CDK5RAP3: variants seen among roughly 807,000 people sequenced by gnomAD.
CDK5RAP3 encodes CDK5 regulatory subunit associated protein 3.
Under a neutral mutation model 73.3 loss-of-function variants are expected in CDK5RAP3, and 58 were observed. That is an observed-to-expected ratio of 0.79 (90% confidence interval 0.64 to 0.98). The LOEUF is 0.98. CDK5RAP3 is among the 50% of genes least tolerant of loss of function. The pLI, the probability that CDK5RAP3 is intolerant of heterozygous loss-of-function variation, is 0.00. For missense variants in CDK5RAP3, 525 were observed against 615.8 expected, an observed-to-expected ratio of 0.85 and a Z score of 1.56; for synonymous variants, 224 against 247.5, an observed-to-expected ratio of 0.91 and a Z score of 0.89.
chr17:47,971,524 G>T, intron 2 of CDK5RAP3, 117 bp downstream of exon 2: 2 of 1,004,980 alleles, frequency 2.0e-6, no homozygotes, highest in Non-Finnish European at 2.9e-6. Context: ...GCTGACCACT[G>T]GCCTCGTTCT....
Position 47,975,502 on chromosome 17 carries a change from TC to T in CDK5RAP3, c.514-8del. 1 of 1,610,300 alleles carries T rather than the reference TC, an allele frequency of 6.2e-7. No homozygotes were observed. Among genetic ancestry groups the T allele is most frequent in the Non-Finnish European group, 8.5e-7 (1 of 1,180,004 alleles). ...TCAATCTGTTGGACTCCACCTCTTC[TC>T]CCCTCTCTAGGGCGAAAATGTCCGA... On this transcript the variant is annotated splice_polypyrimidine_tract_variant and intron_variant, in intron 6 of 13. Transcript: ENST00000338399.
chr17:47,979,284 G>A (rs1161399350), intron 11 of CDK5RAP3: 2 of 192,768 alleles, frequency 1.0e-5, no homozygotes, highest in Non-Finnish European at 2.1e-5. Flanking sequence ...GGAGGATGAC[G>A]AGGATGTTGG....
chr17:47,971,444 G>A (rs762066003), intron 2 of CDK5RAP3, 37 bp downstream of exon 2: 3 of 1,565,048 alleles, frequency 1.9e-6, no homozygotes, highest in South Asian at 1.2e-5. Context: ...GGCTGTCGGG[G>A]GGAGGCCTGT....
At chr17:47,969,694 C>G (rs996551836), upstream of CDK5RAP3, among the ~76,000 whole-genome samples, 1 of 152,122 alleles carries the variant, frequency 6.6e-6, no homozygotes, top group African/African-American at 2.4e-5. Context: ...TTAGCTTCAG[C>G]CACCACTCGG....
At chr17:47,971,646 C>A (rs1470648327) in intron 2 of CDK5RAP3, among the ~76,000 whole-genome samples, 1 of 152,158 alleles carries the variant, frequency 6.6e-6, no homozygotes, top group African/African-American at 2.4e-5. Context: ...TCGTATCATT[C>A]AGGGACAGGA....
At chr17:47,977,796 TCC>T (rs1325058260) in intron 9 of CDK5RAP3, 34 bp from the exon 10 acceptor site, 2 of 1,574,370 alleles carry the variant, frequency 1.3e-6, no homozygotes, top group Non-Finnish European at 1.7e-6. Flanking sequence ...AGGAAAATTC[TCC>T]CCCCATTGCT....
chr17:47,969,604 T>C (rs998678599), upstream of CDK5RAP3, among the ~76,000 whole-genome samples: 1 of 147,558 alleles, frequency 6.8e-6, no homozygotes, highest in African/African-American at 2.6e-5. Flanking sequence ...TACCCAGCGC[T>C]GTGAGATCCT....
chr17:47,971,537 GC>G, intron 2 of CDK5RAP3, 130 bp downstream of exon 2: 2 of 891,176 alleles, frequency 2.2e-6, no homozygotes, highest in Non-Finnish European at 3.3e-6. Context: ...CTCGTTCTAT[GC>G]CCCATCTGTG....
upstream of CDK5RAP3, among the ~76,000 whole-genome samples, chr17:47,969,580 A>AAAAAAAAAAAAAAAAAG (rs1567720961): frequency 1.6e-4 from 21 of 131,366 alleles, 1 homozygote; most frequent in African/African-American, 5.6e-4. Flanking sequence ...AAAAAAAAAA[A>AAAAAAAAAAAAAAAAAG]AAAAGAAAAG....
chr17:47,970,991 A>G, upstream of CDK5RAP3: 1 of 1,485,374 alleles, frequency 6.7e-7, no homozygotes, highest in Non-Finnish European at 9.0e-7. Flanking sequence ...TTGAGGCCTG[A>G]GTGGAGCGTA....
Position 47,975,148 on chromosome 17 carries a change from G to GCTGAATTTC in CDK5RAP3, c.335-10_335-9insTGAATTTCC. On this transcript the variant is annotated splice_polypyrimidine_tract_variant and intron_variant, in intron 5 of 13. Transcript: ENST00000338399. ...GGGTGTCCTGGGCTGAATTTCCTGG[G>GCTGAATTTC]CACTTCTCAGTGGAACTCTCTAGCC... 1 of 1,614,038 alleles carries GCTGAATTTC rather than the reference G, an allele frequency of 6.2e-7. No homozygotes were observed. The highest frequency in any genetic ancestry group is 1.6e-4 in the Middle Eastern group (1 of 6,062).
chr17:47,973,513 A>C lies in CDK5RAP3; in HGVS notation c.53-6A>C, dbSNP rs1190864750. 3 of 1,613,384 alleles carry C rather than the reference A, an allele frequency of 1.9e-6. No homozygotes were observed. The highest frequency in any genetic ancestry group is 2.5e-6 in the Non-Finnish European group (3 of 1,179,562). ...GAATGCTCTAATTTGGGTGCTTCTCATGTAGATTGGCTGGTGGACAGAAGG... is the reference window on the plus strand; with the variant it reads ...GAATGCTCTAATTTGGGTGCTTCTCCTGTAGATTGGCTGGTGGACAGAAGG... On this transcript the variant is annotated splice_polypyrimidine_tract_variant and splice_region_variant and intron_variant, in intron 2 of 13. Coordinates refer to ENST00000338399, the MANE Select transcript of CDK5RAP3 (RefSeq NM_176096.3).
intron 12 of CDK5RAP3, 95 bp downstream of exon 12, chr17:47,980,893 C>A: frequency 1.5e-6 from 2 of 1,317,752 alleles, no homozygotes; most frequent in East Asian, 2.3e-5. Context: ...AACCCCATCC[C>A]TGCCTCCTGG....
chr17:47,977,725 A>G (rs780976915), intron 9 of CDK5RAP3, 107 bp from the exon 10 acceptor site: 7 of 868,664 alleles, frequency 8.1e-6, no homozygotes, highest in African/African-American at 1.7e-5. Flanking sequence ...TCCTTAATAG[A>G]GTTGGAATGT....
intron 13 of CDK5RAP3, 23 bp from the exon 14 acceptor site, chr17:47,981,414 C>T: frequency 6.2e-7 from 1 of 1,614,224 alleles, no homozygotes; most frequent in East Asian, 2.2e-5. Flanking sequence ...CCTGCTTCTG[C>T]CCACTTGGTA....
chr17:47,971,708 G>T (rs1025490522), intron 2 of CDK5RAP3, among the ~76,000 whole-genome samples: 7 of 152,184 alleles, frequency 4.6e-5, no homozygotes, highest in African/African-American at 1.4e-4. Flanking sequence ...GGTGGCTCAT[G>T]CCTGTAATCC....
upstream of CDK5RAP3, chr17:47,970,880 T>A (rs1598214798): frequency 1.4e-6 from 2 of 1,425,954 alleles, no homozygotes; most frequent in Non-Finnish European, 1.9e-6. Flanking sequence ...GCGCACCCCC[T>A]CCCGTCCCCT....
At chr17:47,978,774 C>CT (rs35688536) in intron 10 of CDK5RAP3, 55 bp from the exon 11 acceptor site, 6 of 1,383,550 alleles carry the variant, frequency 4.3e-6, no homozygotes, top group Non-Finnish European at 6.2e-6. Context: ...ACTTGAGGGT[C>CT]TTTTCCTTCT....
At chr17:47,971,314 G>A (rs781125008) in intron 1 of CDK5RAP3, 48 bp from the exon 2 acceptor site, 2 of 1,589,644 alleles carry the variant, frequency 1.3e-6, no homozygotes, top group South Asian at 1.1e-5. Context: ...CGAGTGGTAC[G>A]TCCTCTCTCC....
Sources: gnomAD v4.1 joint callset for allele counts (sites outside exome capture counted in the v4.1 genomes callset) on GRCh38, gnomAD v4.1.1 for gene constraint, MANE v1.5 for transcripts, NCBI Gene and HGNC (gene_info 2026-07-23, HGNC 2026-07-21) for gene names.